The following DPYD variants were observed in gnomAD, a reference collection of about 807,000 sequenced individuals.
The protein encoded by DPYD is dihydropyrimidine dehydrogenase [NADP(+)].
A neutral mutation model predicts 116.2 loss-of-function variants in DPYD; 109 were observed. The observed-to-expected ratio is 0.94, with a 90% CI of 0.80 to 1.10. The LOEUF (loss-of-function observed/expected upper bound fraction) is 1.10. Ranked by LOEUF, DPYD falls within the 50% of genes least tolerant of loss-of-function variation. DPYD has a pLI of 0.00. For missense variants in DPYD, 1,302 were observed against 1,254.5 expected (o/e 1.04, Z -0.57); for synonymous variants, 440 against 432.0 (o/e 1.02, Z -0.23).
intron 13 of DPYD, among the ~76,000 whole-genome samples, chr1:97,461,994 T>C (rs908979726): frequency 2.6e-5 from 4 of 152,218 alleles, no homozygotes; most frequent in African/African-American, 9.6e-5. Flanking sequence ...GTCTGTGTCC[T>C]CTCAATTTTT....
intron 20 of DPYD, among the ~76,000 whole-genome samples, chr1:97,150,227 T>C (rs1288135697): frequency 2.6e-5 from 4 of 151,798 alleles, no homozygotes; most frequent in Non-Finnish European, 4.4e-5. Flanking sequence ...CTTCTAAGCA[T>C]GCCTTTTCCT....
At chr1:97,359,522 T>A (rs760714880) in intron 16 of DPYD, among the ~76,000 whole-genome samples, 1 of 151,922 alleles carries the variant, frequency 6.6e-6, no homozygotes, top group Admixed American at 6.6e-5. Flanking sequence ...TTCACCAAGG[T>A]TGAAGTGAAG....
intron 16 of DPYD, among the ~76,000 whole-genome samples, chr1:97,355,449 G>T (rs1193587547): frequency 6.6e-6 from 1 of 151,896 alleles, no homozygotes; most frequent in Non-Finnish European, 1.5e-5. Context: ...ACAATAAATG[G>T]TTATTTACTA....
chr1:97,709,048 T>C (rs910749045), intron 5 of DPYD, among the ~76,000 whole-genome samples: 1 of 152,006 alleles, frequency 6.6e-6, no homozygotes, highest in Non-Finnish European at 1.5e-5. Context: ...TGGAATTTTC[T>C]ACATAGACAA....
At chr1:97,254,709 G>A (rs1020823494) in intron 18 of DPYD, among the ~76,000 whole-genome samples, 4 of 152,104 alleles carry the variant, frequency 2.6e-5, no homozygotes, top group African/African-American at 9.7e-5. Context: ...AAAACTTCAA[G>A]TGAAAACTGT....
intron 5 of DPYD, among the ~76,000 whole-genome samples, chr1:97,716,574 G>A (rs1662627832): frequency 6.6e-6 from 1 of 152,050 alleles, no homozygotes; most frequent in South Asian, 2.1e-4. Context: ...TGAGTTAACT[G>A]GCTTTCTGTA....
At chr1:97,114,330 T>C (rs1651811148) in intron 20 of DPYD, among the ~76,000 whole-genome samples, 1 of 152,114 alleles carries the variant, frequency 6.6e-6, no homozygotes, top group African/African-American at 2.4e-5. Flanking sequence ...TAGAGGTATG[T>C]GGTGCTAAAG....
chr1:97,257,287 C>A (rs995256902), intron 18 of DPYD, among the ~76,000 whole-genome samples: 3 of 151,684 alleles, frequency 2.0e-5, no homozygotes, highest in Admixed American at 6.6e-5. Context: ...TTATTAGAAT[C>A]CAAACTACTC....
intron 4 of DPYD, among the ~76,000 whole-genome samples, chr1:97,737,519 C>A (rs1042053207): frequency 2.0e-5 from 3 of 152,028 alleles, no homozygotes; most frequent in African/African-American, 7.2e-5. Flanking sequence ...GGAGTAACTA[C>A]AGTTACTGAG....
chr1:97,549,462 T>C (rs1338992205), intron 12 of DPYD, 98 bp downstream of exon 12: 27 of 1,309,294 alleles, frequency 2.1e-5, no homozygotes, highest in Admixed American at 7.0e-5. Context: ...ATGCTTATTA[T>C]ATACCAAATA....
At chr1:97,173,323 T>TGC (rs1290695631) in intron 20 of DPYD, among the ~76,000 whole-genome samples, 8 of 136,422 alleles carry the variant, frequency 5.9e-5, no homozygotes, top group Admixed American at 2.1e-4. Flanking sequence ...CACACATATA[T>TGC]ACACATATAT....
intron 8 of DPYD, among the ~76,000 whole-genome samples, chr1:97,649,107 T>C (rs978856365): frequency 6.6e-6 from 1 of 152,084 alleles, no homozygotes; most frequent in Non-Finnish European, 1.5e-5. Flanking sequence ...CAAGGAGCTC[T>C]AAAAAACTCC....
At chr1:97,465,607 T>G (rs2101835610) in intron 13 of DPYD, among the ~76,000 whole-genome samples, 1 of 152,326 alleles carries the variant, frequency 6.6e-6, no homozygotes, top group East Asian at 1.9e-4. Context: ...GCTCTCTCTT[T>G]CTTTGCCTGC....
intron 3 of DPYD, among the ~76,000 whole-genome samples, chr1:97,792,014 C>A (rs1667345324): frequency 6.6e-6 from 1 of 152,114 alleles, no homozygotes; most frequent in African/African-American, 2.4e-5. Flanking sequence ...TTTTTAAATG[C>A]TTTAGCTGAT....
intron 20 of DPYD, among the ~76,000 whole-genome samples, chr1:97,114,403 C>A (rs1651817405): frequency 6.6e-6 from 1 of 152,058 alleles, no homozygotes; most frequent in Non-Finnish European, 1.5e-5. Context: ...AATGTGAATT[C>A]AAGGAGAAAA....
At chr1:97,336,229 C>G (rs1337393060) in intron 16 of DPYD, among the ~76,000 whole-genome samples, 1 of 152,118 alleles carries the variant, frequency 6.6e-6, no homozygotes, top group Admixed American at 6.5e-5. Flanking sequence ...TTGAATTACA[C>G]CTGGTAGGCT....
rs533904710 is a variant in DPYD at position 97,173,319 on chromosome 1, T to C, written c.2622+19750A>G. Among the ~76,000 whole-genome samples, 16 of 142,782 alleles carry C rather than the reference T, an allele frequency of 1.1e-4. No homozygotes were observed. The South Asian group carries it at 1.5e-3, about 13-fold the overall frequency. 93.7% of individuals were successfully genotyped at this position (142,782 alleles called of 152,430 possible). ...ACATATGTACATATATATGCACACA[T>C]ATATACACATATATGTGTATATATG... On this transcript the variant is annotated intron_variant, in intron 20 of 22. Transcript: ENST00000370192.
chr1:97,423,741 T>C (rs1484263426), intron 14 of DPYD, among the ~76,000 whole-genome samples: 1 of 152,136 alleles, frequency 6.6e-6, no homozygotes, highest in African/African-American at 2.4e-5. Context: ...TACTGCAGAA[T>C]CTCTGCAATG....
chr1:97,864,983 C>T (rs1359017025), intron 2 of DPYD, among the ~76,000 whole-genome samples: 1 of 151,658 alleles, frequency 6.6e-6, no homozygotes, highest in Non-Finnish European at 1.5e-5. Context: ...TAATAACATA[C>T]TTTCACTTTT....
Sources: allele counts gnomAD v4.1 joint callset (sites outside exome capture counted in the v4.1 genomes callset), GRCh38; gene constraint gnomAD v4.1.1; transcripts MANE v1.5; gene names NCBI Gene and HGNC (gene_info 2026-07-23, HGNC 2026-07-21).